Variants in TCEA1 observed in about 807,000 individuals in gnomAD.
The protein encoded by TCEA1 is transcription elongation factor A1.
A neutral mutation model predicts 43.8 loss-of-function variants in TCEA1; 21 were observed. The ratio of observed to expected loss-of-function variants is 0.48; its 90% CI spans 0.34 to 0.69. The LOEUF is 0.69. Ranked by LOEUF, TCEA1 falls within the 30% of genes least tolerant of loss-of-function variation. TCEA1 has a pLI of 0.01. For synonymous variants in TCEA1, 104 were observed against 117.5 expected, an observed-to-expected ratio of 0.88 and a Z score of 0.75; for missense variants, 250 against 365.1, an observed-to-expected ratio of 0.68 and a Z score of 2.57.
intron 7 of TCEA1, among the ~76,000 whole-genome samples, chr8:53,979,380 AAAT>A (rs372039483): frequency 4.9e-4 from 74 of 152,322 alleles, no homozygotes; most frequent in African/African-American, 1.5e-3. Flanking sequence ...TTACATGTGA[AAAT>A]TGGATTTAAG....
intron 8 of TCEA1, chr8:53,972,814 AT>A: frequency 6.9e-6 from 5 of 722,876 alleles, no homozygotes; most frequent in Non-Finnish European, 1.3e-5. Context: ...ATTTATGAGG[AT>A]TGTGGTGGCC....
chr8:54,015,106 C>T (rs1157217112), intron 1 of TCEA1, among the ~76,000 whole-genome samples: 2 of 152,076 alleles, frequency 1.3e-5, no homozygotes, highest in African/African-American at 4.8e-5. Flanking sequence ...ACAGTTACTT[C>T]TTCTATAATA....
intron 1 of TCEA1, among the ~76,000 whole-genome samples, chr8:54,021,315 C>G (rs1805021675): frequency 6.6e-6 from 1 of 152,190 alleles, no homozygotes; most frequent in Non-Finnish European, 1.5e-5. Flanking sequence ...CATATGCTTA[C>G]ATGAATATTC....
chr8:54,016,115 T>G (rs1804815677), intron 1 of TCEA1, among the ~76,000 whole-genome samples: 2 of 152,194 alleles, frequency 1.3e-5, no homozygotes, highest in Non-Finnish European at 2.9e-5. Context: ...TGGCAGTTCC[T>G]CAAAAGGTTA....
At chr8:53,982,884 T>A (rs1490333059) in intron 7 of TCEA1, among the ~76,000 whole-genome samples, 1 of 152,186 alleles carries the variant, frequency 6.6e-6, no homozygotes, top group African/African-American at 2.4e-5. Flanking sequence ...AGCAGCAGCA[T>A]TTGACAGCAC....
chr8:53,971,609 CA>C (rs201216442), intron 8 of TCEA1: 63 of 152,474 alleles, frequency 4.1e-4, no homozygotes, highest in Middle Eastern at 3.0e-3. Context: ...GATTCCATCT[CA>C]AAAAAAAAAG....
intron 8 of TCEA1, chr8:53,971,800 A>G: frequency 4.1e-6 from 1 of 242,252 alleles, no homozygotes; most frequent in Non-Finnish European, 7.6e-6. Flanking sequence ...GAAATATTCA[A>G]AAAAATCTAG....
At chr8:53,998,181 G>GCC in intron 3 of TCEA1, among the ~76,000 whole-genome samples, 1 of 152,170 alleles carries the variant, frequency 6.6e-6, no homozygotes, top group East Asian at 1.9e-4. Flanking sequence ...AAGGATACAT[G>GCC]CCCCCACACA....
At chr8:54,016,588 C>G (rs1433041050) in intron 1 of TCEA1, among the ~76,000 whole-genome samples, 2 of 152,140 alleles carry the variant, frequency 1.3e-5, no homozygotes, top group African/African-American at 2.4e-5. Context: ...TCTGTAATCC[C>G]AGCACTTTGG....
At chr8:54,003,051 T>C (rs1194004112) in intron 2 of TCEA1, 4 of 456,124 alleles carry the variant, frequency 8.8e-6, no homozygotes, top group Non-Finnish European at 1.8e-5. Flanking sequence ...TTGTGATCAC[T>C]CATGAGTTTT....
intron 2 of TCEA1, among the ~76,000 whole-genome samples, chr8:54,002,697 T>A (rs75277144): frequency 0.055 from 8,438 of 152,220 alleles, 766 homozygotes; most frequent in African/African-American, 0.19. Context: ...TTACAAGATG[T>A]AATAGATAGG....
chr8:53,972,699 A>G (rs1289671071), intron 8 of TCEA1: 4 of 651,332 alleles, frequency 6.1e-6, no homozygotes, highest in South Asian at 1.4e-5. Context: ...AGATGCCCCA[A>G]AAAAGGACTG....
intron 2 of TCEA1, among the ~76,000 whole-genome samples, chr8:54,008,274 G>T (rs1804541312): frequency 6.7e-6 from 1 of 150,140 alleles, no homozygotes; most frequent in South Asian, 2.1e-4. Flanking sequence ...AACTATTCAT[G>T]TGAAAAGGGA....
chr8:53,999,874 T>A, intron 3 of TCEA1, 71 bp downstream of exon 3: 1 of 1,089,270 alleles, frequency 9.2e-7, no homozygotes, highest in Non-Finnish European at 1.4e-6. Context: ...TAACTAACCA[T>A]AAAATGTAAC....
At chr8:53,993,127 A>ATTTTTT (rs11306062) in intron 4 of TCEA1, among the ~76,000 whole-genome samples, 1 of 84,190 alleles carries the variant, frequency 1.2e-5, no homozygotes, top group Non-Finnish European at 2.2e-5. Flanking sequence ...TACATGGCTA[A>ATTTTTT]TTTTTTTTTT....
intron 7 of TCEA1, among the ~76,000 whole-genome samples, chr8:53,979,793 C>T (rs187636102): frequency 2.0e-5 from 3 of 152,214 alleles, no homozygotes; most frequent in East Asian, 3.9e-4. Context: ...TATTGTAGAA[C>T]CTGAGATTGG....
intron 2 of TCEA1, among the ~76,000 whole-genome samples, chr8:54,004,850 T>C (rs1427090921): frequency 6.6e-6 from 1 of 152,090 alleles, no homozygotes; most frequent in African/African-American, 2.4e-5. Flanking sequence ...AGCAGGGACC[T>C]TGTCTTGTCT....
intron 8 of TCEA1, chr8:53,972,378 G>C: frequency 1.9e-6 from 1 of 539,140 alleles, no homozygotes; most frequent in East Asian, 5.4e-5. Flanking sequence ...AAGGGGTAAA[G>C]GAAATATAGA....
chr8:53,982,512 G>A (rs1178262097), intron 7 of TCEA1, among the ~76,000 whole-genome samples: 1 of 150,908 alleles, frequency 6.6e-6, no homozygotes, highest in Non-Finnish European at 1.5e-5. Context: ...GGAGACTAAG[G>A]CAGGAGAATC....
Sources: allele counts gnomAD v4.1 joint callset (sites outside exome capture counted in the v4.1 genomes callset), GRCh38; gene constraint gnomAD v4.1.1; transcripts MANE v1.5; gene names NCBI Gene and HGNC (gene_info 2026-07-23, HGNC 2026-07-21).